The following SEMA4C variants were observed in gnomAD, a reference collection of about 807,000 sequenced individuals.
SEMA4C encodes the protein semaphorin 4C, also known as semaphorin-4C.
A neutral mutation model predicts 89.0 loss-of-function variants in SEMA4C; 19 were observed. The ratio of observed to expected loss-of-function variants is 0.21; its 90% CI spans 0.15 to 0.31. The LOEUF is 0.31. SEMA4C is among the 10% of genes least tolerant of loss of function. The pLI is 1.00. For synonymous variants in SEMA4C, 428 were observed against 472.7 expected, an observed-to-expected ratio of 0.91 and a Z score of 1.23; for missense variants, 811 against 1,107.0, an observed-to-expected ratio of 0.73 and a Z score of 3.79.
At position 96,861,907 on chromosome 2, in the gene SEMA4C, C is replaced by G; in HGVS notation, c.1444-13G>C. 6.3e-7 allele frequency: 1 copy of G among 1,599,640 alleles called. No homozygotes were observed. Among genetic ancestry groups the G allele is most frequent in the East Asian group, 2.3e-5 (1 of 44,318 alleles). On this transcript the variant is annotated splice_polypyrimidine_tract_variant and intron_variant, in intron 12 of 14. Coordinates refer to ENST00000305476, the MANE Select transcript of SEMA4C (RefSeq NM_017789.5). This position sits in a 1 kb window ranked among gnomAD's most constrained non-coding sequence, Gnocchi z 7.8. ...CAAAGAGCAGCTTCTGCGAGAAAAGCGGGGCGCAGGAGGGGGGTCGGCCAG... is the reference window on the plus strand; with the variant it reads ...CAAAGAGCAGCTTCTGCGAGAAAAGGGGGGCGCAGGAGGGGGGTCGGCCAG...
intron 2 of SEMA4C, chr2:96,866,829 C>G (rs989245937): frequency 8.3e-6 from 3 of 361,814 alleles, no homozygotes; most frequent in African/African-American, 2.1e-5. Flanking sequence ...CTATCAGAGT[C>G]CAGCAGAGCA....
rs2080170855 is a variant in SEMA4C at position 96,870,033 on chromosome 2, T to TAGGCTCGGGCTCCCCGCGCCACC, written c.-218_-196dup. 2 of 981,738 alleles carry TAGGCTCGGGCTCCCCGCGCCACC rather than the reference T, an allele frequency of 2.0e-6. No homozygotes were observed. Among genetic ancestry groups the TAGGCTCGGGCTCCCCGCGCCACC allele is most frequent in the South Asian group, 9.2e-5 (2 of 21,838 alleles). The allele number at this position is 981,738 out of a possible 1,614,324, so 60.8% of individuals were successfully genotyped here. On this transcript the variant is annotated 5_prime_UTR_variant, in exon 1 of 15. Transcript: ENST00000305476. ...CCGTCCCCGCCCGGCTCCGCGCCCC[T>TAGGCTCGGGCTCCCCGCGCCACC]AGGCTCGGGCTCCCCGCGCCACCAC...
In SEMA4C at chr2:96,866,284, G is replaced by A. The variant is rs921884812; in HGVS notation, c.257C>T (p.Ala86Val). The change falls in exon 3 of 15, where the codon GCG becomes GTG. Residue 86 changes from alanine (A) to valine (V), a missense_variant and splice_region_variant. Transcript: ENST00000305476. ...FSMEALELQG[A>V]ISWEAPVEKK... Reference sequence around the variant, plus strand: ...GCCTCCCACTGCCCCACCTCTCACCGCTCCTTGCAGCTCCAGGGCCTCCAT... The same window carrying A: ...GCCTCCCACTGCCCCACCTCTCACCACTCCTTGCAGCTCCAGGGCCTCCAT... 1.4e-5 allele frequency: 23 copies of A among 1,607,744 alleles called. No individual in the cohort carries two copies. Among genetic ancestry groups the A allele is most frequent in the East Asian group, 2.2e-5 (1 of 44,708 alleles).
intron 1 of SEMA4C, among the ~76,000 whole-genome samples, chr2:96,868,203 C>T (rs2080125119): frequency 6.6e-6 from 1 of 152,214 alleles, no homozygotes; most frequent in African/African-American, 2.4e-5. Flanking sequence ...CTCTGCGCAA[C>T]AGGAAATCAT....
Position 96,863,919 on chromosome 2 carries a change from C to A in SEMA4C, c.1330+7G>T. The A allele has an allele frequency of 6.2e-7, 1 of 1,602,978 alleles. No individual in the cohort carries two copies. ...GAGCAGCCATGCCTGCATACCCATG[C>A]ACCCACCTGTGCCAATGAACAGCAC... On this transcript the variant is annotated splice_region_variant and intron_variant, in intron 11 of 14. Transcript: ENST00000305476.
rs1390175833 is a variant in SEMA4C, at chr2:96,860,526, C to T, written c.*100G>A. On this transcript the variant is annotated 3_prime_UTR_variant, in exon 15 of 15. Coordinates refer to ENST00000305476, the MANE Select transcript of SEMA4C (RefSeq NM_017789.5). ...GGTGCTGGGCAGTATCTGTCCCAGA[C>T]AGAGCAGGTGCCCGTGCCATGTCCC... The T allele has an allele frequency of 7.3e-6, 8 of 1,092,214 alleles. No homozygotes were observed. In the Admixed American group the frequency reaches 1.7e-4, roughly 23 times the overall value. The allele number at this position is 1,092,214 out of a possible 1,614,324, so 67.7% of individuals were successfully genotyped here. A position where few individuals can be genotyped will look rare whatever the true frequency, so the allele number is the denominator to read the frequency against.
At position 96,869,454 on chromosome 2, in the gene SEMA4C, C is replaced by T. The variant is rs1262608448; in HGVS notation, c.-38+422G>A. ...GGCCTGGCTTTCCGGGACAACCCGC[C>T]TCCCCAGCGGAATGGGCGGGCGGGC... On this transcript the variant is annotated intron_variant, in intron 1 of 14. Transcript: ENST00000305476. The T allele has an allele frequency of 5.1e-6, 5 of 984,858 alleles. No individual in the cohort carries two copies. In the African/African-American group the frequency reaches 8.7e-5, roughly 17 times the overall value. 61.0% of individuals were successfully genotyped at this position (984,858 alleles called of 1,614,324 possible).
rs561242063 is a variant in SEMA4C, at chr2:96,869,642, C to T, written c.-38+234G>A. 28 of 985,242 alleles carry T rather than the reference C, an allele frequency of 2.8e-5. No homozygotes were observed. The East Asian group carries it at 2.4e-3, about 84-fold the overall frequency. 61.0% of individuals were successfully genotyped at this position (985,242 alleles called of 1,614,324 possible). On this transcript the variant is annotated intron_variant, in intron 1 of 14. Transcript: ENST00000305476. Reference sequence around the variant, plus strand: ...GAGGAACCCTCGCTGGCGCGCCCCTCCGGCCCCGGGGCTGCGGGGCTGCAG... The same window carrying T: ...GAGGAACCCTCGCTGGCGCGCCCCTTCGGCCCCGGGGCTGCGGGGCTGCAG...
chr2:96,863,728 A>G lies in SEMA4C; in HGVS notation c.1397T>C (p.Leu466Pro), dbSNP rs2080005162. 2 of 1,614,086 alleles carry G rather than the reference A, an allele frequency of 1.2e-6. No individual in the cohort carries two copies. The highest frequency in any genetic ancestry group is 1.7e-6 in the Non-Finnish European group (2 of 1,180,040). ...GCTTCTCATGGGCTCCTGGTCAAACAGCTGCAGCTCCTCAATCAGGTGAAC... is the reference window on the plus strand; with the variant it reads ...GCTTCTCATGGGCTCCTGGTCAAACGGCTGCAGCTCCTCAATCAGGTGAAC... Reference protein sequence around the residue: ...PWVHLIEELQLFDQEPMRSLV... With the variant: ...PWVHLIEELQPFDQEPMRSLV... The change falls in exon 12 of 15, where the codon CTG becomes CCG. Residue 466 changes from leucine to proline, a missense_variant. Transcript: ENST00000305476.
intron 1 of SEMA4C, 41 bp downstream of exon 1, chr2:96,869,835 G>A (rs2080167913): frequency 5.1e-6 from 5 of 985,362 alleles, no homozygotes; most frequent in Non-Finnish European, 6.0e-6. Context: ...CGGCTCCGGG[G>A]CCCCGCGGCT....
At position 96,861,157 on chromosome 2, in the gene SEMA4C, G is replaced by T; in HGVS notation, c.1971C>A (p.Ala657=). Residue 657 remains alanine (A), a synonymous_variant, in exon 15 of 15, where the codon GCC becomes GCA. Coordinates refer to ENST00000305476, the MANE Select transcript of SEMA4C (RefSeq NM_017789.5). The surrounding 1 kb of genome is among the most constrained non-coding windows in gnomAD (Gnocchi z 7.8). The part of the protein sequence containing the change: ...AGPSVTLEAR[A]PLENLGLVWL... The stretch of plus-strand genomic sequence containing the variant: ...ACACCAGCCCCAGGTTTTCCAGGGG[G>T]GCCCGGGCCTCCAAGGTCACCGACG... 1 of 1,610,860 alleles carries T rather than the reference G, an allele frequency of 6.2e-7. No individual in the cohort carries two copies. Among genetic ancestry groups the T allele is most frequent in the Non-Finnish European group, 8.5e-7 (1 of 1,179,672 alleles).
At chr2:96,869,488 G>A (rs1406115283) in intron 1 of SEMA4C, 1 of 985,112 alleles carries the variant, frequency 1.0e-6, no homozygotes, top group Non-Finnish European at 1.2e-6. Context: ...GCGGGGGGCC[G>A]CGGCAGGGAA....
chr2:96,863,878 G>C, intron 11 of SEMA4C, 48 bp downstream of exon 11: 1 of 1,596,702 alleles, frequency 6.3e-7, no homozygotes, highest in Non-Finnish European at 8.6e-7. Flanking sequence ...GGGCACACGG[G>C]CTTCTGCCCA....
At chr2:96,868,355 T>G (rs1277006429) in intron 1 of SEMA4C, 2 of 917,872 alleles carry the variant, frequency 2.2e-6, no homozygotes, top group South Asian at 4.5e-5. Context: ...GGAGGAAGAC[T>G]CCTTAGGGCG....
Position 96,864,161 on chromosome 2 carries a change from T to G in SEMA4C, c.1108-13A>C, listed in dbSNP as rs951300240. On this transcript the variant is annotated splice_polypyrimidine_tract_variant and intron_variant, in intron 10 of 14. Coordinates refer to ENST00000305476, the MANE Select transcript of SEMA4C (RefSeq NM_017789.5). This position sits in a 1 kb window ranked among gnomAD's most constrained non-coding sequence, Gnocchi z 6.3. ...AGTTGTTAATGCACTGGGGGCAGGG[T>G]GTGGGGGGCAGGCCATCAGCAGGGT... 6.2e-7 allele frequency: 1 copy of G among 1,606,628 alleles called. No individual in the cohort carries two copies. The highest frequency in any genetic ancestry group is 1.7e-5 in the Admixed American group (1 of 59,678).
chr2:96,865,063 C>T lies in SEMA4C; in HGVS notation c.687G>A (p.Thr229=), dbSNP rs574578827. ...AGAAGTAGACCTTGTCGTCGTCCCC[C>T]GTGAAGCTGCCCACACTCTCAGGTA... ...AYVPESVGSF[T]GDDDKVYFFF... is the part of the protein sequence containing the mutation. The change falls in exon 8 of 15, where the codon ACG becomes ACA. Residue 229 remains threonine, a synonymous_variant. Coordinates refer to ENST00000305476, the MANE Select transcript of SEMA4C (RefSeq NM_017789.5). 75 of 1,558,306 alleles carry T rather than the reference C, an allele frequency of 4.8e-5. No individual in the cohort carries two copies. The highest frequency in any genetic ancestry group is 3.6e-4 in the South Asian group (31 of 85,012).
intron 1 of SEMA4C, chr2:96,868,485 C>T: frequency 1.0e-6 from 1 of 990,444 alleles, no homozygotes; most frequent in Non-Finnish European, 1.2e-6. Context: ...GACAATAGCC[C>T]TGCAGAACCC....
intron 2 of SEMA4C, 162 bp from the exon 3 acceptor site, chr2:96,866,593 C>A (rs181076844): frequency 1.0e-6 from 1 of 996,256 alleles, no homozygotes; most frequent in South Asian, 1.4e-5. Flanking sequence ...GCCCTGACAG[C>A]CCCACCTGGG....
At chr2:96,868,133 G>A (rs2080123540) in intron 1 of SEMA4C, among the ~76,000 whole-genome samples, 1 of 152,208 alleles carries the variant, frequency 6.6e-6, no homozygotes, top group African/African-American at 2.4e-5. Context: ...GAGGAGTTGA[G>A]TTGGCTGAAG....
Sources: allele counts gnomAD v4.1 joint callset (sites outside exome capture counted in the v4.1 genomes callset), GRCh38; gene constraint gnomAD v4.1.1; non-coding constraint Gnocchi (gnomAD v3.1); transcripts MANE v1.5; gene names NCBI Gene and HGNC (gene_info 2026-07-23, HGNC 2026-07-21).